Variants in NALCN observed in about 807,000 individuals in gnomAD.
NALCN encodes sodium leak channel, non-selective, also known as sodium leak channel NALCN.
In NALCN, 111 loss-of-function variants were observed where a neutral mutation model predicts 225.3. That is an observed-to-expected ratio of 0.49 (90% CI 0.42 to 0.58). The LOEUF (loss-of-function observed/expected upper bound fraction) is 0.58. NALCN is among the 20% of genes least tolerant of loss of function. The probability of loss-of-function intolerance (pLI) is 0.00; values close to 1 mark genes in which losing one functional copy is unlikely to be tolerated. For synonymous variants in NALCN, 764 were observed against 769.0 expected (o/e 0.99, Z 0.11); for missense variants, 1,378 against 2,202.4 (o/e 0.63, Z 7.49).
intron 14 of NALCN, among the ~76,000 whole-genome samples, chr13:101,188,119 T>A (rs59088048): frequency 7.2e-5 from 11 of 151,892 alleles, no homozygotes; most frequent in African/African-American, 2.7e-4. Context: ...AAAGTACAAC[T>A]TTGGAAAACA....
chr13:101,178,990 C>T (rs1378794570), intron 14 of NALCN, among the ~76,000 whole-genome samples: 2 of 152,072 alleles, frequency 1.3e-5, no homozygotes, highest in African/African-American at 2.4e-5. Context: ...AATTATATCC[C>T]CCAAACTGGA....
At chr13:101,374,011 T>G (rs984840061) in intron 6 of NALCN, among the ~76,000 whole-genome samples, 9 of 152,068 alleles carry the variant, frequency 5.9e-5, no homozygotes, top group Non-Finnish European at 1.0e-4. Flanking sequence ...AATAATAATA[T>G]GTCCAGAAAA....
Position 101,355,117 on chromosome 13 carries a change from C to T in NALCN, c.645-9697G>A, listed in dbSNP as rs954394697. Among the ~76,000 whole-genome samples, 5 of 152,328 alleles carry T rather than the reference C, an allele frequency of 3.3e-5. No homozygotes were observed. The East Asian group carries it at 9.7e-4, about 29-fold the overall frequency. ...GTCACGTGATGTGCCTGCTCCCCGT[C>T]TGCCTTCTGCCATGATTGTAAGCTT... On this transcript the variant is annotated intron_variant, in intron 6 of 43. Coordinates refer to ENST00000251127, the MANE Select transcript of NALCN (RefSeq NM_052867.4).
At chr13:101,344,973 C>T (rs2045670969) in intron 7 of NALCN, among the ~76,000 whole-genome samples, 1 of 152,064 alleles carries the variant, frequency 6.6e-6, no homozygotes. Context: ...GAACCCTGTT[C>T]AACAAACAAA....
chr13:101,201,836 T>C (rs981247273), intron 13 of NALCN, among the ~76,000 whole-genome samples: 1 of 152,172 alleles, frequency 6.6e-6, no homozygotes, highest in African/African-American at 2.4e-5. Context: ...AAGAACTCTT[T>C]CTCTACAAAA....
At chr13:101,128,937 A>C (rs1271709632) in intron 17 of NALCN, among the ~76,000 whole-genome samples, 1 of 152,080 alleles carries the variant, frequency 6.6e-6, no homozygotes, top group Non-Finnish European at 1.5e-5. Flanking sequence ...CTATTTTCTG[A>C]AAATCGGCAG....
At chr13:101,271,491 A>G (rs527841376) in intron 10 of NALCN, among the ~76,000 whole-genome samples, 1 of 152,186 alleles carries the variant, frequency 6.6e-6, no homozygotes, top group South Asian at 2.1e-4. Context: ...TTTAATATTT[A>G]TTCCAGGTAA....
intron 17 of NALCN, among the ~76,000 whole-genome samples, chr13:101,127,900 C>CT (rs2036316116): frequency 6.6e-6 from 1 of 152,102 alleles, no homozygotes; most frequent in Admixed American, 6.5e-5. Context: ...CATTCCTAGA[C>CT]TGTGCTAAAC....
At chr13:101,069,445 T>G (rs1012049110) in intron 37 of NALCN, among the ~76,000 whole-genome samples, 1 of 152,232 alleles carries the variant, frequency 6.6e-6, no homozygotes, top group Non-Finnish European at 1.5e-5. Context: ...CTAACAATCA[T>G]GTGAGCCTTC....
intron 15 of NALCN, among the ~76,000 whole-genome samples, chr13:101,149,032 G>A (rs1186620277): frequency 2.6e-5 from 4 of 152,200 alleles, no homozygotes; most frequent in South Asian, 4.1e-4. Context: ...AGTGGCTCAC[G>A]CCTGTAATCC....
At chr13:101,170,753 C>T (rs1438585456) in intron 15 of NALCN, among the ~76,000 whole-genome samples, 9 of 152,140 alleles carry the variant, frequency 5.9e-5, no homozygotes, top group South Asian at 2.1e-4. Context: ...AGACTGGATA[C>T]AGGGCTGGGT....
intron 3 of NALCN, among the ~76,000 whole-genome samples, chr13:101,381,829 C>A (rs2046856223): frequency 6.6e-6 from 1 of 151,220 alleles, no homozygotes. Context: ...ATTAAATGAA[C>A]AAATGTTTTT....
At chr13:101,188,655 C>CGT (rs1279682696) in intron 14 of NALCN, among the ~76,000 whole-genome samples, 216 of 144,070 alleles carry the variant, frequency 1.5e-3, no homozygotes, top group African/African-American at 4.9e-3. Context: ...CACACACACA[C>CGT]GTGTGTGTGT....
At chr13:101,200,831 A>C (rs1949403672) in intron 13 of NALCN, among the ~76,000 whole-genome samples, 1 of 152,218 alleles carries the variant, frequency 6.6e-6, no homozygotes, top group Admixed American at 6.5e-5. Context: ...GATCATGCAA[A>C]GGAGTTTTAA....
intron 3 of NALCN, among the ~76,000 whole-genome samples, chr13:101,381,855 G>GA (rs141019937): frequency 0.21 from 31,333 of 150,442 alleles, 3,787 homozygotes; most frequent in Non-Finnish European, 0.28. Flanking sequence ...GTGTGTTAGG[G>GA]AAAAAAAAAG....
chr13:101,414,075 G>A (rs1214629696), intron 1 of NALCN, among the ~76,000 whole-genome samples: 2 of 147,266 alleles, frequency 1.4e-5, no homozygotes, highest in Non-Finnish European at 3.0e-5. Context: ...TTGTAGAGAC[G>A]GGGTTTCACC....
chr13:101,399,595 T>C (rs563985910), intron 1 of NALCN, among the ~76,000 whole-genome samples: 129 of 152,310 alleles, frequency 8.5e-4, no homozygotes, highest in Non-Finnish European at 1.6e-3. Context: ...GTTAATTTAA[T>C]ACGACATTCA....
intron 17 of NALCN, among the ~76,000 whole-genome samples, chr13:101,130,653 C>T (rs1334883691): frequency 1.3e-5 from 2 of 152,190 alleles, no homozygotes; most frequent in Non-Finnish European, 2.9e-5. Context: ...TTTGCCTGGG[C>T]ATCCTATATA....
At chr13:101,324,786 G>T (rs979071768) in intron 7 of NALCN, among the ~76,000 whole-genome samples, 3 of 152,098 alleles carry the variant, frequency 2.0e-5, no homozygotes, top group Admixed American at 2.0e-4. Context: ...CTGCCTGACT[G>T]CCCTGGCCAG....
Sources: allele counts gnomAD v4.1 joint callset (sites outside exome capture counted in the v4.1 genomes callset), GRCh38; gene constraint gnomAD v4.1.1; transcripts MANE v1.5; gene names NCBI Gene and HGNC (gene_info 2026-07-23, HGNC 2026-07-21).